Variants in JAK1 observed in about 807,000 individuals in gnomAD.
The protein encoded by JAK1 is tyrosine-protein kinase JAK1.
A neutral mutation model predicts 136.6 loss-of-function variants in JAK1; 16 were observed. The ratio of observed to expected loss-of-function variants is 0.12; its 90% CI spans 0.08 to 0.18. The LOEUF is 0.18. JAK1 is among the 10% of genes least tolerant of loss of function. The pLI is 1.00. For missense variants in JAK1, 859 were observed against 1,450.1 expected (o/e 0.59, Z 6.62); for synonymous variants, 492 against 519.5 (o/e 0.95, Z 0.72).
intron 1 of JAK1, among the ~76,000 whole-genome samples, chr1:64,944,636 G>C (rs1309416529): frequency 2.0e-5 from 3 of 152,116 alleles, no homozygotes; most frequent in Non-Finnish European, 2.9e-5. Context: ...TGCATGTGTT[G>C]GGGGCAGGGG....
intron 2 of JAK1, chr1:64,989,542 G>GTT (rs904155630): frequency 8.8e-6 from 1 of 113,042 alleles, no homozygotes; most frequent in African/African-American, 3.4e-5. Flanking sequence ...GTGTAGATCG[G>GTT]TTTTAACCTG....
intron 2 of JAK1, chr1:65,003,876 T>G (rs1646782829): frequency 6.6e-6 from 1 of 152,220 alleles, no homozygotes; most frequent in African/African-American, 2.4e-5. Context: ...TAGGCTAAAT[T>G]TGGCAATGCC....
chr1:64,963,689 G>T (rs189296483), intron 1 of JAK1, among the ~76,000 whole-genome samples: 1 of 152,148 alleles, frequency 6.6e-6, no homozygotes, highest in South Asian at 2.1e-4. Flanking sequence ...TCTGCGAGAT[G>T]ACCAGGGAGA....
chr1:65,016,320 C>T (rs1646891710), intron 2 of JAK1, among the ~76,000 whole-genome samples: 1 of 152,054 alleles, frequency 6.6e-6, no homozygotes, highest in Admixed American at 6.6e-5. Flanking sequence ...TAAATTGTAC[C>T]CTTAAAAATG....
At chr1:64,859,126 T>C (rs1284375681) in intron 9 of JAK1, among the ~76,000 whole-genome samples, 2 of 152,334 alleles carry the variant, frequency 1.3e-5, no homozygotes, top group South Asian at 4.1e-4. Context: ...CTAAGCTACC[T>C]GTCCACAAGG....
intron 2 of JAK1, chr1:64,989,867 G>C (rs1043307412): frequency 6.6e-6 from 1 of 152,234 alleles, no homozygotes; most frequent in African/African-American, 2.4e-5. Flanking sequence ...TTTCATCACA[G>C]CTGATTCCTA....
At chr1:64,978,359 G>A (rs1211945044) in intron 2 of JAK1, among the ~76,000 whole-genome samples, 1 of 152,122 alleles carries the variant, frequency 6.6e-6, no homozygotes, top group Non-Finnish European at 1.5e-5. Context: ...TTATTGTATA[G>A]GATGTCAATG....
rs1285699228 is a variant in JAK1 at position 64,878,598 on chromosome 1, T to C, written c.329+427A>G. Reference sequence around the variant, plus strand: ...ATATATATATATATATATATATATATATATATATCTCAAAAGTTTAAAAAA... The same window carrying C: ...ATATATATATATATATATATATATACATATATATCTCAAAAGTTTAAAAAA... On this transcript the variant is annotated intron_variant, in intron 4 of 24. Coordinates refer to ENST00000342505, the MANE Select transcript of JAK1 (RefSeq NM_002227.4). 1.7e-5 allele frequency among the ~76,000 whole-genome samples: 2 copies of C among 114,962 alleles called. 1 individual carries two copies. The highest frequency in any genetic ancestry group is 5.3e-4 in the South Asian group (2 of 3,806). The allele number at this position is 114,962 out of a possible 152,430, so 75.4% of individuals were successfully genotyped here.
intron 1 of JAK1, among the ~76,000 whole-genome samples, chr1:64,919,017 CTT>C (rs368616734): frequency 6.6e-6 from 1 of 151,232 alleles, no homozygotes; most frequent in African/African-American, 2.4e-5. Flanking sequence ...CTCCTTTTAC[CTT>C]TTTTTTTATT....
chr1:64,844,878 G>C lies in JAK1; in HGVS notation c.2127C>G (p.Asp709Glu), dbSNP rs2100996221. ...ASALSYLEDK[D>E]LVHGNVCTKN... Reference sequence around the variant, plus strand: ...TAGTACACACATTTCCATGGACCAGGTCTTTATCCTCCTGCAGAGTAAAAA... The same window carrying C: ...TAGTACACACATTTCCATGGACCAGCTCTTTATCCTCCTGCAGAGTAAAAA... Residue 709 changes from aspartate (D) to glutamate (E), a missense_variant, in exon 16 of 25, where the codon GAC (aspartate) becomes GAG (glutamate). This residue lies in a region of JAK1 where 409 missense variants were observed against 753.8 expected (regional missense o/e 0.54). Transcript: ENST00000342505. This position sits in a 1 kb window ranked among gnomAD's most constrained non-coding sequence, Gnocchi z 5.7. The C allele has an allele frequency of 6.2e-7, 1 of 1,614,182 alleles. No homozygotes were observed. The highest frequency in any genetic ancestry group is 1.7e-5 in the Admixed American group (1 of 60,026).
intron 1 of JAK1, among the ~76,000 whole-genome samples, chr1:64,952,045 T>C (rs984730705): frequency 2.0e-5 from 3 of 152,188 alleles, no homozygotes; most frequent in Non-Finnish European, 4.4e-5. Context: ...TAAATGTGGT[T>C]AAGTTTCCAA....
chr1:65,046,335 C>G lies in JAK1; in HGVS notation c.-180-1753G>C, dbSNP rs531928448. ...GGCCCTTAAGTCAGACACGGACAAG[C>G]TGGAGGCCATGCCAAAGGGAGCCCA... On this transcript the variant is annotated intron_variant, in intron 1 of 25. Transcript: ENST00000671954. Among the ~76,000 whole-genome samples, 7 of 152,326 alleles carry G rather than the reference C, an allele frequency of 4.6e-5. No homozygotes were observed. The South Asian group carries it at 1.2e-3, about 27-fold the overall frequency.
rs1288035893 is a variant in JAK1, at chr1:64,841,299, C to T, written c.2595G>A (p.Val865=). The T allele has an allele frequency of 1.9e-6, 3 of 1,614,120 alleles. No individual in the cohort carries two copies. Among genetic ancestry groups the T allele is most frequent in the Non-Finnish European group, 2.5e-6 (3 of 1,180,004 alleles). ...AGCGCTTTTCAAAATGTGTGGGGTC[C>T]ACTTCAGTTGCTGGTTTTTTTTCTG... is the stretch of plus-strand genomic sequence containing the variant. ...IVSEKKPATE[V]DPTHFEKRFL... The change falls in exon 19 of 25, where the codon GTG becomes GTA. Residue 865 remains valine, a synonymous_variant. Coordinates refer to ENST00000342505, the MANE Select transcript of JAK1 (RefSeq NM_002227.4).
chr1:64,983,894 G>A (rs1363571366), intron 2 of JAK1, among the ~76,000 whole-genome samples: 1 of 152,176 alleles, frequency 6.6e-6, no homozygotes, highest in Admixed American at 6.6e-5. Flanking sequence ...AAACTTAAGA[G>A]TTTCCACCTG....
intron 2 of JAK1, among the ~76,000 whole-genome samples, chr1:65,031,102 C>T (rs966426067): frequency 2.8e-5 from 4 of 143,320 alleles, no homozygotes; most frequent in African/African-American, 7.9e-5. Context: ...TGAAGTGAGC[C>T]GAAATCAAGT....
intron 10 of JAK1, among the ~76,000 whole-genome samples, chr1:64,856,803 G>A (rs996363848): frequency 1.3e-5 from 2 of 152,002 alleles, no homozygotes; most frequent in Admixed American, 6.5e-5. Flanking sequence ...TCCTTCTGCC[G>A]TTTCCTCCTC....
intron 1 of JAK1, among the ~76,000 whole-genome samples, chr1:64,954,384 G>A (rs4587600): frequency 0.24 from 37,203 of 151,978 alleles, 6,474 homozygotes; most frequent in African/African-American, 0.48. Flanking sequence ...TCTCATGCCC[G>A]TGCCCACTCT....
intron 1 of JAK1, among the ~76,000 whole-genome samples, chr1:64,887,075 C>T (rs566398130): frequency 6.6e-6 from 1 of 152,250 alleles, no homozygotes; most frequent in East Asian, 1.9e-4. Flanking sequence ...CCCCACAGGG[C>T]CTTACAATAG....
chr1:65,016,108 T>C (rs1401466769), intron 2 of JAK1, among the ~76,000 whole-genome samples: 2 of 152,218 alleles, frequency 1.3e-5, no homozygotes, highest in African/African-American at 4.8e-5. Flanking sequence ...ACAAATATTG[T>C]ATAACTACAC....
Sources: gnomAD v4.1 joint callset for allele counts (sites outside exome capture counted in the v4.1 genomes callset) on GRCh38, gnomAD v4.1.1 for gene constraint, gnomAD v4.1.1 regional missense constraint, Gnocchi (gnomAD v3.1) non-coding constraint, MANE v1.5 for transcripts, NCBI Gene and HGNC (gene_info 2026-07-23, HGNC 2026-07-21) for gene names.